Variants in C1orf21 observed in about 807,000 individuals in gnomAD.
The protein encoded by C1orf21 is uncharacterized protein C1orf21.
In C1orf21, 3 loss-of-function variants were observed where a neutral mutation model predicts 18.7. The ratio of observed to expected loss-of-function variants is 0.16; its 90% confidence interval spans 0.07 to 0.42. C1orf21 has a LOEUF of 0.42. Among genes scored for constraint, C1orf21 ranks in the 10% least tolerant of loss-of-function variants. The pLI is 0.99. For missense variants in C1orf21, 104 were observed against 143.6 expected (o/e 0.72, Z 1.41); for synonymous variants, 41 against 46.4 (o/e 0.88, Z 0.47).
chr1:184,589,373 C>G (rs1024819465), intron 3 of C1orf21, among the ~76,000 whole-genome samples: 55 of 152,318 alleles, frequency 3.6e-4, no homozygotes, highest in Admixed American at 1.7e-3. Flanking sequence ...CATTCATTCA[C>G]CAGTATTTGC....
At chr1:184,579,425 T>C (rs1051899418) in intron 3 of C1orf21, among the ~76,000 whole-genome samples, 6 of 141,634 alleles carry the variant, frequency 4.2e-5, no homozygotes, top group African/African-American at 1.3e-4. Flanking sequence ...GGTCTCACCA[T>C]GTTGCCCAGT....
intron 1 of C1orf21, among the ~76,000 whole-genome samples, chr1:184,424,653 C>A (rs894886779): frequency 1.3e-5 from 2 of 152,156 alleles, no homozygotes; most frequent in African/African-American, 4.8e-5. Context: ...TTTTCTCATT[C>A]AGCCTTGCAA....
chr1:184,579,204 A>ATT (rs71101937), intron 3 of C1orf21, among the ~76,000 whole-genome samples: 20 of 136,780 alleles, frequency 1.5e-4, no homozygotes, highest in African/African-American at 3.2e-4. Flanking sequence ...TGCCTGGCTA[A>ATT]TTTTTTTTTT....
intron 3 of C1orf21, among the ~76,000 whole-genome samples, chr1:184,550,664 A>C (rs944789372): frequency 3.3e-5 from 5 of 152,114 alleles, no homozygotes; most frequent in Non-Finnish European, 7.4e-5. Context: ...CCTCCTGAGT[A>C]GCTGGGACTT....
intron 1 of C1orf21, among the ~76,000 whole-genome samples, chr1:184,465,251 A>T (rs529916242): frequency 6.6e-6 from 1 of 152,340 alleles, no homozygotes; most frequent in South Asian, 2.1e-4. Context: ...TAGAAAATTA[A>T]TGTGATAATT....
intron 1 of C1orf21, among the ~76,000 whole-genome samples, chr1:184,444,912 C>G (rs1657005258): frequency 6.6e-6 from 1 of 152,100 alleles, no homozygotes; most frequent in Non-Finnish European, 1.5e-5. Context: ...ATTCCTTCCT[C>G]TCCTGTTGTA....
chr1:184,472,635 T>C (rs1368339458), intron 1 of C1orf21, among the ~76,000 whole-genome samples: 1 of 152,190 alleles, frequency 6.6e-6, no homozygotes, highest in Non-Finnish European at 1.5e-5. Flanking sequence ...TTTTTATTCC[T>C]TCCCAATTTT....
chr1:184,495,830 A>T (rs1657885040), intron 2 of C1orf21, among the ~76,000 whole-genome samples: 1 of 148,534 alleles, frequency 6.7e-6, no homozygotes, highest in African/African-American at 2.5e-5. Context: ...GAGGCAGAGA[A>T]TTGCTTGAAC....
chr1:184,474,445 C>A (rs1657541182), intron 1 of C1orf21, among the ~76,000 whole-genome samples: 1 of 152,192 alleles, frequency 6.6e-6, no homozygotes, highest in Non-Finnish European at 1.5e-5. Context: ...TGTTAGCCTT[C>A]TGCAATGTAT....
intron 3 of C1orf21, among the ~76,000 whole-genome samples, chr1:184,588,612 C>G (rs1450471063): frequency 6.6e-6 from 1 of 152,026 alleles, no homozygotes; most frequent in East Asian, 1.9e-4. Context: ...TAATGGTACC[C>G]AACCGTGAGA....
At chr1:184,417,741 C>A (rs1481138523) in intron 1 of C1orf21, among the ~76,000 whole-genome samples, 1 of 152,208 alleles carries the variant, frequency 6.6e-6, no homozygotes, top group South Asian at 2.1e-4. Context: ...CTTCTTCTCC[C>A]GCTTTCTCTA....
intron 2 of C1orf21, among the ~76,000 whole-genome samples, chr1:184,488,325 G>A (rs1310544038): frequency 6.6e-6 from 1 of 152,148 alleles, no homozygotes; most frequent in African/African-American, 2.4e-5. Flanking sequence ...TCCCACCATA[G>A]AGGTTAACAA....
intron 1 of C1orf21, among the ~76,000 whole-genome samples, chr1:184,400,525 A>G (rs1480904465): frequency 6.6e-6 from 1 of 152,186 alleles, no homozygotes; most frequent in East Asian, 1.9e-4. Flanking sequence ...TTTTGTACTT[A>G]ACAGTATATT....
intron 3 of C1orf21, among the ~76,000 whole-genome samples, chr1:184,519,076 G>T (rs1658269536): frequency 6.6e-6 from 1 of 152,122 alleles, no homozygotes. Context: ...TAGTCACATT[G>T]TTTGGCCAGT....
At chr1:184,552,241 A>G (rs1658823294) in intron 3 of C1orf21, among the ~76,000 whole-genome samples, 1 of 152,236 alleles carries the variant, frequency 6.6e-6, no homozygotes, top group African/African-American at 2.4e-5. Flanking sequence ...TGGGCAAAGG[A>G]TAGGAATAGA....
intron 2 of C1orf21, among the ~76,000 whole-genome samples, chr1:184,498,043 T>C (rs1339307768): frequency 2.0e-5 from 3 of 152,148 alleles, no homozygotes; most frequent in Non-Finnish European, 4.4e-5. Context: ...AGTGCCTCGC[T>C]GTATCTATTC....
At chr1:184,415,306 C>T (rs1465127197) in intron 1 of C1orf21, among the ~76,000 whole-genome samples, 1 of 152,196 alleles carries the variant, frequency 6.6e-6, no homozygotes, top group Non-Finnish European at 1.5e-5. Context: ...CTCTTTGGAC[C>T]TTCTTCTTTT....
At chr1:184,491,247 T>A (rs1456987599) in intron 2 of C1orf21, among the ~76,000 whole-genome samples, 4 of 152,220 alleles carry the variant, frequency 2.6e-5, no homozygotes, top group South Asian at 4.1e-4. Context: ...GTGCTTTTTT[T>A]AATAAGAAGA....
intron 3 of C1orf21, among the ~76,000 whole-genome samples, chr1:184,512,566 C>G (rs992169487): frequency 1.3e-5 from 2 of 152,170 alleles, no homozygotes; most frequent in East Asian, 3.8e-4. Context: ...GTCATATATT[C>G]CACTTTGCTT....
Sources: gnomAD v4.1 joint callset for allele counts (sites outside exome capture counted in the v4.1 genomes callset) on GRCh38, gnomAD v4.1.1 for gene constraint, MANE v1.5 for transcripts, NCBI Gene and HGNC (gene_info 2026-07-23, HGNC 2026-07-21) for gene names.